CRYBG1: variants seen among roughly 807,000 people sequenced by gnomAD.
CRYBG1 encodes crystallin beta-gamma domain containing 1.
In CRYBG1, 139 loss-of-function variants were observed where a neutral mutation model predicts 189.2. The observed-to-expected ratio is 0.73, with a 90% confidence interval of 0.64 to 0.85. The LOEUF is 0.85. Among genes scored for constraint, CRYBG1 ranks in the 40% least tolerant of loss-of-function variants. CRYBG1 has a pLI of 0.00. For missense variants in CRYBG1, 2,611 were observed against 2,675.8 expected, an observed-to-expected ratio of 0.98 and a Z score of 0.53; for synonymous variants, 1,023 against 1,017.1, an observed-to-expected ratio of 1.01 and a Z score of -0.11.
At chr6:106,461,916 C>G (rs1191736752) in intron 2 of CRYBG1, among the ~76,000 whole-genome samples, 2 of 152,182 alleles carry the variant, frequency 1.3e-5, no homozygotes, top group Non-Finnish European at 2.9e-5. Flanking sequence ...ATCCCAGAAA[C>G]AGGTACTATG....
rs1775016462 is a variant in CRYBG1, at chr6:106,570,134, A to C, written c.*1568A>C. On this transcript the variant is annotated 3_prime_UTR_variant, in exon 22 of 22. Transcript: ENST00000633556. ...ATATATTCTTCCTCTTTTTGTCCTC[A>C]TCACTCAATACTGGTGCTCTTGTCA... is the stretch of plus-strand genomic sequence containing the variant. 1 of 152,196 alleles carries C rather than the reference A, an allele frequency of 6.6e-6. No individual in the cohort carries two copies. Among genetic ancestry groups the C allele is most frequent in the South Asian group, 2.1e-4 (1 of 4,828 alleles). The allele number at this position is 152,196 out of a possible 1,614,324, so 9.4% of individuals were successfully genotyped here.
intron 8 of CRYBG1, among the ~76,000 whole-genome samples, chr6:106,534,473 T>A (rs1773953202): frequency 6.6e-6 from 1 of 152,198 alleles, no homozygotes; most frequent in African/African-American, 2.4e-5. Context: ...TGAGAAGATG[T>A]CACTGATAGT....
intron 1 of CRYBG1, among the ~76,000 whole-genome samples, chr6:106,446,006 A>C (rs1230359476): frequency 1.3e-5 from 2 of 152,050 alleles, no homozygotes; most frequent in African/African-American, 4.8e-5. Flanking sequence ...TACATGGGTA[A>C]CCAGCAGGCA....
intron 2 of CRYBG1, among the ~76,000 whole-genome samples, chr6:106,488,608 G>C (rs12664446): frequency 6.6e-6 from 1 of 151,868 alleles, no homozygotes; most frequent in Admixed American, 6.6e-5. Flanking sequence ...GCTATACGCA[G>C]CTCTCTCTGG....
At chr6:106,543,418 G>T in intron 10 of CRYBG1, 22 bp from the exon 11 acceptor site, 1 of 1,592,066 alleles carries the variant, frequency 6.3e-7, no homozygotes, top group Non-Finnish European at 8.6e-7. Flanking sequence ...CAGATTACTG[G>T]TATATCTCAT....
At chr6:106,565,399 G>A (rs902568347) in intron 21 of CRYBG1, among the ~76,000 whole-genome samples, 13 of 152,070 alleles carry the variant, frequency 8.5e-5, no homozygotes, top group African/African-American at 2.9e-4. Flanking sequence ...AATGGAGAAC[G>A]AATCTGGACA....
chr6:106,439,063 A>G (rs1484425899), intron 1 of CRYBG1, among the ~76,000 whole-genome samples: 2 of 151,720 alleles, frequency 1.3e-5, no homozygotes, highest in Non-Finnish European at 2.9e-5. Flanking sequence ...AAAAAAAAAA[A>G]AAAGAGAAAA....
rs138423868 is a variant in CRYBG1, at chr6:106,479,124, C to T, written c.312+27292C>T. On this transcript the variant is annotated intron_variant, in intron 2 of 21. Coordinates refer to ENST00000633556, the MANE Select transcript of CRYBG1 (RefSeq NM_001371242.2). ...TTTTATTCATTAGTTGATGAACATG[C>T]GGGTTGTTTCCATTTTTGACTGTTA... Among the ~76,000 whole-genome samples, 110 of 152,268 alleles carry T rather than the reference C, an allele frequency of 7.2e-4. 1 individual carries two copies. Among genetic ancestry groups the T allele is most frequent in the Middle Eastern group, 6.8e-3 (2 of 294 alleles).
At chr6:106,387,378 C>T (rs746847572) in intron 1 of CRYBG1, among the ~76,000 whole-genome samples, 2 of 152,110 alleles carry the variant, frequency 1.3e-5, no homozygotes. Context: ...CTTTCACACC[C>T]AGGAGAGATG....
At position 106,392,697 on chromosome 6, in the gene CRYBG1, G is replaced by A. The variant is rs568664085; in HGVS notation, c.173+31616G>A. ...GGATTATGACAATGAGATCTTCCAC[G>A]AATAAATTTTACCATTGTGCAAAGG... On this transcript the variant is annotated intron_variant, in intron 1 of 21. Transcript: ENST00000633556. Among the ~76,000 whole-genome samples, 32 of 152,324 alleles carry A rather than the reference G, an allele frequency of 2.1e-4. 1 individual carries two copies. The South Asian group carries it at 6.4e-3, about 31-fold the overall frequency.
At chr6:106,554,372 G>C (rs1774483612) in intron 16 of CRYBG1, among the ~76,000 whole-genome samples, 1 of 152,206 alleles carries the variant, frequency 6.6e-6, no homozygotes, top group African/African-American at 2.4e-5. Flanking sequence ...CCAACACTTA[G>C]GGAAGCCAAG....
At chr6:106,518,506 A>C (rs1773492703) in intron 3 of CRYBG1, among the ~76,000 whole-genome samples, 1 of 152,232 alleles carries the variant, frequency 6.6e-6, no homozygotes, top group African/African-American at 2.4e-5. Context: ...CTCTAGTGCC[A>C]AGCACTGTGC....
At chr6:106,445,848 C>T (rs1218863630) in intron 1 of CRYBG1, among the ~76,000 whole-genome samples, 1 of 152,058 alleles carries the variant, frequency 6.6e-6, no homozygotes, top group Non-Finnish European at 1.5e-5. Flanking sequence ...AAGGAAAAAC[C>T]CATTCTGTAA....
At chr6:106,539,552 C>G in intron 9 of CRYBG1, 23 bp downstream of exon 9, 1 of 1,595,822 alleles carries the variant, frequency 6.3e-7, no homozygotes, top group Non-Finnish European at 8.5e-7. Context: ...TCCAAATGTC[C>G]TTGTGGTGAT....
Position 106,530,220 on chromosome 6 carries a change from G to T in CRYBG1, c.4623G>T (p.Gly1541=). The T allele has an allele frequency of 1.9e-6, 3 of 1,613,404 alleles. No individual in the cohort carries two copies. In the South Asian group the frequency reaches 3.3e-5, roughly 18 times the overall value. ...SHIDLFTEPE[G]LGILSSYFDD... ...TTGACTTATTTACTGAACCAGAAGG[G>T]TTAGGAATCCTAAGTTCCTACTTTG... Residue 1541 remains glycine (G), a synonymous_variant, in exon 8 of 22, where the codon GGG becomes GGT. Coordinates refer to ENST00000633556, the MANE Select transcript of CRYBG1 (RefSeq NM_001371242.2).
chr6:106,541,734 G>A (rs1195541952), intron 10 of CRYBG1, 113 bp downstream of exon 10: 2 of 796,628 alleles, frequency 2.5e-6, no homozygotes, highest in Admixed American at 2.6e-5. Context: ...TATTGCTTAT[G>A]TGACTTCTCA....
chr6:106,520,103 G>C lies in CRYBG1; in HGVS notation c.2895G>C (p.Glu965Asp). Reference protein sequence around the residue: ...VQVRSFVLPVESTQDVSSQVI... With the variant: ...VQVRSFVLPVDSTQDVSSQVI... ...TCAGGTCCTTCGTGCTCCCCGTGGA[G>C]AGCACCCAGGATGTGAGCTCCCAGG... Residue 965 changes from glutamate to aspartate, a missense_variant, in exon 4 of 22, where the codon GAG (glutamate) becomes GAC (aspartate). Glu to Asp is a conservative substitution (Grantham distance 45, BLOSUM62 2). Coordinates refer to ENST00000633556, the MANE Select transcript of CRYBG1 (RefSeq NM_001371242.2). 6.2e-7 allele frequency: 1 copy of C among 1,614,184 alleles called. No homozygotes were observed.
intron 2 of CRYBG1, among the ~76,000 whole-genome samples, chr6:106,464,492 CA>C (rs5878893): frequency 8.8e-4 from 122 of 138,724 alleles, no homozygotes; most frequent in Admixed American, 2.2e-3. Flanking sequence ...GACTTTGTCT[CA>C]AAAAAAAAAA....
chr6:106,559,528 A>G (rs958971834), intron 18 of CRYBG1, among the ~76,000 whole-genome samples: 3 of 152,138 alleles, frequency 2.0e-5, no homozygotes, highest in African/African-American at 7.3e-5. Flanking sequence ...TCCTGCCTGT[A>G]ATCCCAGCAC....
Sources: gnomAD v4.1 joint callset for allele counts (sites outside exome capture counted in the v4.1 genomes callset) on GRCh38, gnomAD v4.1.1 for gene constraint, MANE v1.5 for transcripts, NCBI Gene and HGNC (gene_info 2026-07-23, HGNC 2026-07-21) for gene names.